Variants in MYL3 observed in about 807,000 individuals in gnomAD.
MYL3 encodes the protein myosin light chain 3, also known as CMLC1.
MYL3 carries 11 observed loss-of-function variants against 21.3 expected under a neutral mutation model. The observed-to-expected ratio is 0.52, with a 90% CI of 0.32 to 0.85. The LOEUF (loss-of-function observed/expected upper bound fraction) is 0.85. Among genes scored for constraint, MYL3 ranks in the 40% least tolerant of loss-of-function variants. MYL3 has a pLI of 0.03. For missense variants in MYL3, 206 were observed against 253.3 expected (o/e 0.81, Z 1.27); for synonymous variants, 88 against 91.6 (o/e 0.96, Z 0.22).
At chr3:46,864,285 T>C (rs1029974659), upstream of MYL3, among the ~76,000 whole-genome samples, 3 of 152,050 alleles carry the variant, frequency 2.0e-5, no homozygotes, top group Non-Finnish European at 4.4e-5. This position sits in a 1 kb window ranked among gnomAD's most constrained non-coding sequence, Gnocchi z 4.7. Context: ...GCTGTAGCCC[T>C]GGCTATGGGT....
upstream of MYL3, among the ~76,000 whole-genome samples, chr3:46,866,143 G>A (rs891170101): frequency 3.9e-5 from 6 of 152,092 alleles, no homozygotes; most frequent in African/African-American, 9.7e-5. Flanking sequence ...AGCAGTTGGC[G>A]GTAAGAACAG....
In MYL3 at chr3:46,860,997, G is replaced by A. The variant is rs374988162; in HGVS notation, c.130-10C>T. On this transcript the variant is annotated splice_polypyrimidine_tract_variant and intron_variant, in intron 1 of 6. Transcript: ENST00000292327. This position sits in a 1 kb window ranked among gnomAD's most constrained non-coding sequence, Gnocchi z 4.6. ...CAGGTGTGAACTCAATCTGAAAAGA[G>A]ACCCCAAAGACTCAGATGCCCGGCT... The A allele has an allele frequency of 3.7e-6, 6 of 1,613,958 alleles. No homozygotes were observed. In the African/African-American group the frequency reaches 6.7e-5, roughly 18 times the overall value.
chr3:46,863,410 G>T lies in MYL3; in HGVS notation c.-20C>A. The T allele has an allele frequency of 1.2e-6, 2 of 1,612,514 alleles. No homozygotes were observed. Among genetic ancestry groups the T allele is most frequent in the South Asian group, 1.1e-5 (1 of 91,066 alleles). On this transcript the variant is annotated 5_prime_UTR_variant, in exon 1 of 7. Coordinates refer to ENST00000292327, the MANE Select transcript of MYL3 (RefSeq NM_000258.3). Reference sequence around the variant, plus strand: ...GGCCATTGGGGGCTGTAAGTACAGAGAGGGATGTGGAGAGAAGAATGCAGA... The same window carrying T: ...GGCCATTGGGGGCTGTAAGTACAGATAGGGATGTGGAGAGAAGAATGCAGA...
chr3:46,866,345 G>A (rs1702047867), upstream of MYL3: 1 of 152,286 alleles, frequency 6.6e-6, no homozygotes, highest in Non-Finnish European at 1.5e-5. Context: ...TGTGCTGCAG[G>A]CTGGCACACG....
chr3:46,862,695 T>C (rs1702005590), intron 1 of MYL3, among the ~76,000 whole-genome samples: 1 of 152,170 alleles, frequency 6.6e-6, no homozygotes, highest in Non-Finnish European at 1.5e-5. Context: ...CATGACCAGC[T>C]TCCTGCACAG....
chr3:46,858,746 C>T (rs113129047), intron 4 of MYL3, among the ~76,000 whole-genome samples: 16 of 152,254 alleles, frequency 1.1e-4, no homozygotes, highest in African/African-American at 3.9e-4. Context: ...TCCCTTGGGG[C>T]AGCCCCTTGA....
intron 1 of MYL3, among the ~76,000 whole-genome samples, chr3:46,870,498 C>T (rs1702099049): frequency 6.6e-6 from 1 of 152,052 alleles, no homozygotes; most frequent in Non-Finnish European, 1.5e-5. Flanking sequence ...ACCCAGGGCT[C>T]TCCCCACTCT....
At chr3:46,867,427 G>A (rs995388933), upstream of MYL3, among the ~76,000 whole-genome samples, 2 of 152,250 alleles carry the variant, frequency 1.3e-5, no homozygotes, top group Non-Finnish European at 2.9e-5. Context: ...GGGGGTAGCT[G>A]CTTGGCAGAC....
chr3:46,860,601 G>A lies in MYL3; in HGVS notation c.307+75C>T, dbSNP rs992388957. 2.5e-4 allele frequency: 403 copies of A among 1,587,114 alleles called. No homozygotes were observed. The highest frequency in any genetic ancestry group is 6.4e-4 in the Admixed American group (38 of 59,394). ...TCAGGAAAGATTCTCGTGCTATCCC[G>A]CAGGATGGATGGCAGCCCACCCAGC... On this transcript the variant is annotated intron_variant, in intron 3 of 6. Coordinates refer to ENST00000292327, the MANE Select transcript of MYL3 (RefSeq NM_000258.3). The surrounding 1 kb of genome is among the most constrained non-coding windows in gnomAD (Gnocchi z 4.6).
chr3:46,871,684 C>T lies in MYL3; in HGVS notation c.-217-5084G>A, dbSNP rs73833661. 1.8e-3 allele frequency among the ~76,000 whole-genome samples: 275 copies of T among 152,290 alleles called. 1 individual carries two copies. Among genetic ancestry groups the T allele is most frequent in the African/African-American group, 6.4e-3 (265 of 41,554 alleles). On this transcript the variant is annotated intron_variant, in intron 1 of 3. Transcript: ENST00000431168. ...GTGTAATAACCCCCTCAGACCAGCA[C>T]AAGAACCCCCAAATGCAGAGCCTAG...
At chr3:46,871,528 C>T (rs541685133) in intron 1 of MYL3, among the ~76,000 whole-genome samples, 8 of 152,106 alleles carry the variant, frequency 5.3e-5, no homozygotes, top group African/African-American at 1.9e-4. Context: ...AGATCTTGGA[C>T]CCCAGTGCAA....
chr3:46,872,724 A>G (rs144045583), intron 1 of MYL3, among the ~76,000 whole-genome samples: 2 of 152,238 alleles, frequency 1.3e-5, no homozygotes, highest in Non-Finnish European at 2.9e-5. Flanking sequence ...TGCCAGCTCC[A>G]GGTTCAGCTG....
chr3:46,878,737 C>A (rs2030381207), intron 1 of MYL3, among the ~76,000 whole-genome samples: 1 of 152,136 alleles, frequency 6.6e-6, no homozygotes, highest in Non-Finnish European at 1.5e-5. Context: ...CAGAGCCCTA[C>A]TCACGGTGGG....
In MYL3 at chr3:46,861,046, C is replaced by T; in HGVS notation, c.130-59G>A. On this transcript the variant is annotated intron_variant, in intron 1 of 6. Transcript: ENST00000292327. This position sits in a 1 kb window ranked among gnomAD's most constrained non-coding sequence, Gnocchi z 4.2. ...CTTAAAAGGTGGGGCCACACCTCCT[C>T]CTGGGCACTCGGTGGCCAGCCCAGA... The T allele has an allele frequency of 6.3e-7, 1 of 1,591,556 alleles. No individual in the cohort carries two copies. The highest frequency in any genetic ancestry group is 1.1e-5 in the South Asian group (1 of 90,548).
chr3:46,874,527 G>A lies in MYL3; in HGVS notation c.-218+7547C>T, dbSNP rs1238047474. 6.6e-6 allele frequency among the ~76,000 whole-genome samples: 1 copy of A among 152,078 alleles called. No individual in the cohort carries two copies. Among genetic ancestry groups the A allele is most frequent in the East Asian group, 1.9e-4 (1 of 5,186 alleles). On this transcript the variant is annotated intron_variant, in intron 1 of 3. Coordinates refer to the MYL3 transcript ENST00000431168. This position sits in a 1 kb window ranked among gnomAD's most constrained non-coding sequence, Gnocchi z 4.1. Reference sequence around the variant, plus strand: ...CCTCCCCACCACCTCCTCCTTCCTGGCCCCCTCCTCCCTTCAAACCGCAGG... The same window carrying A: ...CCTCCCCACCACCTCCTCCTTCCTGACCCCCTCCTCCCTTCAAACCGCAGG...
At chr3:46,880,730 G>A (rs2030499085) in intron 1 of MYL3, among the ~76,000 whole-genome samples, 1 of 151,062 alleles carries the variant, frequency 6.6e-6, no homozygotes, top group Non-Finnish European at 1.5e-5. Context: ...TTGTCTTGAA[G>A]AAGAAGAAGA....
chr3:46,863,049 C>A (rs953349823), intron 1 of MYL3, among the ~76,000 whole-genome samples: 2 of 152,230 alleles, frequency 1.3e-5, no homozygotes, highest in Non-Finnish European at 2.9e-5. Context: ...CTCAGCAGCA[C>A]CAGAGGAGTC....
upstream of MYL3, among the ~76,000 whole-genome samples, chr3:46,868,320 C>T (rs778509968): frequency 6.6e-6 from 1 of 152,188 alleles, no homozygotes; most frequent in Non-Finnish European, 1.5e-5. Context: ...GTTCAGAGGA[C>T]AGTCTCTGCC....
At chr3:46,872,170 CT>C (rs1299816019) in intron 1 of MYL3, among the ~76,000 whole-genome samples, 1 of 152,214 alleles carries the variant, frequency 6.6e-6, no homozygotes, top group Non-Finnish European at 1.5e-5. Flanking sequence ...GCCTGTGCCC[CT>C]GGCCAGGTCT....
Sources: allele counts gnomAD v4.1 joint callset (sites outside exome capture counted in the v4.1 genomes callset), GRCh38; gene constraint gnomAD v4.1.1; non-coding constraint Gnocchi (gnomAD v3.1); transcripts MANE v1.5; gene names NCBI Gene and HGNC (gene_info 2026-07-23, HGNC 2026-07-21).